The following PRDM2 variants were observed in gnomAD, a reference collection of about 807,000 sequenced individuals.
The protein encoded by PRDM2 is PR/SET domain 2, also known as PR domain zinc finger protein 2.
In PRDM2, 30 loss-of-function variants were observed where a neutral mutation model predicts 130.0. The observed-to-expected ratio is 0.23, with a 90% CI of 0.17 to 0.31. PRDM2 has a LOEUF of 0.31. Ranked by LOEUF, PRDM2 falls within the 10% of genes least tolerant of loss-of-function variation. The pLI is 1.00. For missense variants in PRDM2, 2,011 were observed against 2,108.4 expected, an observed-to-expected ratio of 0.95 and a Z score of 0.90; for synonymous variants, 871 against 782.4, an observed-to-expected ratio of 1.11 and a Z score of -1.89.
intron 1 of PRDM2, among the ~76,000 whole-genome samples, chr1:13,712,256 A>G (rs1642395469): frequency 6.6e-6 from 1 of 152,190 alleles, no homozygotes. Flanking sequence ...ATTCCTTGAG[A>G]TAATCAAATA....
intron 8 of PRDM2, among the ~76,000 whole-genome samples, chr1:13,783,554 C>T (rs1163113150): frequency 5.9e-5 from 9 of 152,114 alleles, no homozygotes. Flanking sequence ...CTTTGTTTCC[C>T]CAGTAATGAT....
At chr1:13,709,776 A>G (rs1298639057) in intron 1 of PRDM2, among the ~76,000 whole-genome samples, 1 of 152,202 alleles carries the variant, frequency 6.6e-6, no homozygotes, top group Non-Finnish European at 1.5e-5. Flanking sequence ...CTCTTTATCC[A>G]TAAACTTCCT....
In PRDM2 at chr1:13,767,306, T is replaced by C. The variant is rs533315430; in HGVS notation, c.512-5772T>C. ...AAACTATAAATGCAGTTTAAGTCTT[T>C]GTTTTGTTTTTGAGACAGTCTGTCG... On this transcript the variant is annotated intron_variant, in intron 6 of 9. Coordinates refer to ENST00000311066, the MANE Select transcript of PRDM2 (RefSeq NM_001393986.1). 2.2e-4 allele frequency among the ~76,000 whole-genome samples: 33 copies of C among 152,074 alleles called. No individual in the cohort carries two copies. The East Asian group carries it at 6.0e-3, about 28-fold the overall frequency.
Position 13,780,336 on chromosome 1 carries a change from C to T in PRDM2, c.2541C>T (p.Val847=). The change falls in exon 8 of 10, where the codon GTC becomes GTT. Residue 847 remains valine, a synonymous_variant. Transcript: ENST00000311066. The stretch of plus-strand genomic sequence containing the variant: ...AGACTCCAGTCCAGTGGGAATCTGT[C>T]TTAGATCTCAGTGTGCATAAAAAGC... The part of the protein sequence containing the change: ...TGKTPVQWES[V]LDLSVHKKHC... 6.2e-7 allele frequency: 1 copy of T among 1,614,128 alleles called. No homozygotes were observed.
At chr1:13,721,638 G>A (rs562091377) in intron 2 of PRDM2, among the ~76,000 whole-genome samples, 35 of 152,120 alleles carry the variant, frequency 2.3e-4, no homozygotes, top group Non-Finnish European at 4.6e-4. Context: ...TTGTCTTTCT[G>A]AATGAAAATA....
chr1:13,708,941 AAT>A (rs1169901234), intron 1 of PRDM2, among the ~76,000 whole-genome samples: 1 of 152,176 alleles, frequency 6.6e-6, no homozygotes, highest in Non-Finnish European at 1.5e-5. Flanking sequence ...TTAATTTGGT[AAT>A]ATAGTCTGCA....
At chr1:13,757,856 G>A (rs1419900014) in intron 6 of PRDM2, among the ~76,000 whole-genome samples, 1 of 149,890 alleles carries the variant, frequency 6.7e-6, no homozygotes, top group African/African-American at 2.5e-5. Flanking sequence ...CTTCCTAAGA[G>A]GTTTTGTTTG....
At chr1:13,746,484 A>C (rs2100522857) in intron 5 of PRDM2, among the ~76,000 whole-genome samples, 1 of 151,800 alleles carries the variant, frequency 6.6e-6, no homozygotes, top group South Asian at 2.1e-4. Context: ...TAATATAACC[A>C]TTTCAAGTTG....
intron 4 of PRDM2, among the ~76,000 whole-genome samples, chr1:13,735,188 C>A (rs1643229969): frequency 6.6e-6 from 1 of 152,200 alleles, no homozygotes. Context: ...ATTATCTAAC[C>A]CAGTCTTAAG....
At chr1:13,715,656 A>G (rs1642509590) in intron 2 of PRDM2, 42 bp downstream of exon 2, 1 of 1,521,100 alleles carries the variant, frequency 6.6e-7, no homozygotes, top group Non-Finnish European at 8.9e-7. Context: ...CATGACCTAG[A>G]TGTTAGACCA....
chr1:13,718,534 T>G (rs906357025), intron 2 of PRDM2, among the ~76,000 whole-genome samples: 2 of 152,150 alleles, frequency 1.3e-5, no homozygotes, highest in Non-Finnish European at 2.9e-5. Flanking sequence ...GTGTGATAGC[T>G]CCCTCTGAGC....
intron 2 of PRDM2, among the ~76,000 whole-genome samples, chr1:13,725,127 A>G (rs1386855068): frequency 3.3e-5 from 5 of 152,222 alleles, no homozygotes; most frequent in Non-Finnish European, 7.3e-5. Context: ...GATGTTTACC[A>G]TATTGGAAAT....
At chr1:13,786,725 G>A (rs763201924) in intron 8 of PRDM2, 13 of 1,422,272 alleles carry the variant, frequency 9.1e-6, no homozygotes, top group Admixed American at 5.7e-5. Flanking sequence ...GGCCCAACGC[G>A]CATGCTGGGC....
chr1:13,731,684 G>C (rs1643116165), intron 3 of PRDM2, among the ~76,000 whole-genome samples: 1 of 152,118 alleles, frequency 6.6e-6, no homozygotes, highest in African/African-American at 2.4e-5. Flanking sequence ...TGTGTGTTTG[G>C]TTTTTATGTG....
At chr1:13,799,237 A>C (rs1385630985) in intron 8 of PRDM2, among the ~76,000 whole-genome samples, 3 of 152,186 alleles carry the variant, frequency 2.0e-5, no homozygotes, top group Non-Finnish European at 4.4e-5. Flanking sequence ...TGAGGTCAGG[A>C]GTTCGAGACC....
Position 13,779,230 on chromosome 1 carries a change from G to T in PRDM2, c.1435G>T (p.Val479Phe). ...NSSVVEENGE[V>F]KELHPCKYCK... is the part of the protein sequence containing the mutation. ...TTCTGTCGTAGAAGAGAATGGGGAA[G>T]TTAAAGAACTTCATCCGTGCAAATA... is the stretch of plus-strand genomic sequence containing the variant. Residue 479 changes from valine to phenylalanine, a missense_variant, in exon 8 of 10, where the codon GTT (valine) becomes TTT (phenylalanine). Physicochemically the swap from Val to Phe is conservative, Grantham distance 50. This residue lies in a region of PRDM2 where 1,288 missense variants were observed against 1,237.7 expected (regional missense o/e 1.04). Coordinates refer to ENST00000311066, the MANE Select transcript of PRDM2 (RefSeq NM_001393986.1). The surrounding 1 kb of genome is among the most constrained non-coding windows in gnomAD (Gnocchi z 4.9). 6.2e-7 allele frequency: 1 copy of T among 1,614,230 alleles called. No individual in the cohort carries two copies. Among genetic ancestry groups the T allele is most frequent in the Non-Finnish European group, 8.5e-7 (1 of 1,180,038 alleles).
chr1:13,795,188 C>T (rs543688989), intron 8 of PRDM2, among the ~76,000 whole-genome samples: 1 of 152,252 alleles, frequency 6.6e-6, no homozygotes, highest in East Asian at 1.9e-4. Flanking sequence ...CCATGAAAAC[C>T]AAATAACCTC....
chr1:13,820,161 C>T (rs1645325756), intron 9 of PRDM2, among the ~76,000 whole-genome samples: 1 of 152,160 alleles, frequency 6.6e-6, no homozygotes, highest in African/African-American at 2.4e-5. Flanking sequence ...TGGGCCGTGC[C>T]TCCTTGCAAA....
intron 4 of PRDM2, among the ~76,000 whole-genome samples, chr1:13,739,147 C>T (rs913858064): frequency 2.0e-5 from 3 of 151,806 alleles, no homozygotes; most frequent in South Asian, 2.1e-4. Context: ...CCCGTGTTCA[C>T]GCCATTCTCC....
Sources: gnomAD v4.1 joint callset for allele counts (sites outside exome capture counted in the v4.1 genomes callset) on GRCh38, gnomAD v4.1.1 for gene constraint, gnomAD v4.1.1 regional missense constraint, Gnocchi (gnomAD v3.1) non-coding constraint, MANE v1.5 for transcripts, NCBI Gene and HGNC (gene_info 2026-07-23, HGNC 2026-07-21) for gene names.